PCBP3: variants seen among roughly 807,000 people sequenced by gnomAD.
The protein encoded by PCBP3 is poly(rC)-binding protein 3.
In PCBP3, 25 loss-of-function variants were observed where a neutral mutation model predicts 52.7. The observed-to-expected ratio is 0.47, with a 90% CI of 0.35 to 0.66. PCBP3 has a LOEUF of 0.66. Ranked by LOEUF, PCBP3 falls within the 30% of genes least tolerant of loss-of-function variation. The pLI, the probability that PCBP3 is intolerant of heterozygous loss-of-function variation, is 0.01. For synonymous variants in PCBP3, 162 were observed against 183.0 expected (o/e 0.89, Z 0.93); for missense variants, 391 against 490.3 (o/e 0.80, Z 1.91).
chr21:45,738,044 AGAC>A (rs1216334193), intron 3 of PCBP3, among the ~76,000 whole-genome samples: 1 of 152,144 alleles, frequency 6.6e-6, no homozygotes, highest in African/African-American at 2.4e-5. Flanking sequence ...TGGTCCGTGC[AGAC>A]CTCTCAGGTC....
At chr21:45,689,739 T>C (rs1167091382) in intron 2 of PCBP3, among the ~76,000 whole-genome samples, 2 of 152,030 alleles carry the variant, frequency 1.3e-5, no homozygotes, top group East Asian at 3.8e-4. Context: ...TAGCTAACAT[T>C]GGAAATGAAA....
At chr21:45,693,300 AATT>A (rs2082589344) in intron 2 of PCBP3, among the ~76,000 whole-genome samples, 2 of 152,282 alleles carry the variant, frequency 1.3e-5, no homozygotes, top group Admixed American at 6.5e-5. Flanking sequence ...TGAATCTCAA[AATT>A]ATTATGTTAA....
intron 9 of PCBP3, among the ~76,000 whole-genome samples, chr21:45,906,870 T>C (rs1216509232): frequency 6.6e-6 from 1 of 152,006 alleles, no homozygotes; most frequent in African/African-American, 2.4e-5. Flanking sequence ...GGCTGGAAAA[T>C]AGGGAGAGAA....
chr21:45,909,482 G>A lies in PCBP3; in HGVS notation c.467G>A (p.Arg156Lys). 1 of 1,612,632 alleles carries A rather than the reference G, an allele frequency of 6.2e-7. No individual in the cohort carries two copies. The change falls in exon 10 of 18, where the codon AGG becomes AAG. Residue 156 changes from arginine (R) to lysine (K), a missense_variant. Coordinates refer to ENST00000681687, the MANE Select transcript of PCBP3 (RefSeq NM_001384156.1). Reference protein sequence around the residue: ...GKGGSKIKEIRESTGAQVQVA... With the variant: ...GKGGSKIKEIKESTGAQVQVA... ...GGAGGCTCCAAGATCAAGGAGATCA[G>A]GGAGGTAACAGGACCTTCCCAGCCT...
chr21:45,678,122 A>C (rs1363484328), intron 2 of PCBP3, among the ~76,000 whole-genome samples: 1 of 152,082 alleles, frequency 6.6e-6, no homozygotes, highest in Non-Finnish European at 1.5e-5. Context: ...TGGGAGGATC[A>C]CAAGGTCAGG....
At chr21:45,689,686 G>C (rs1253463811) in intron 2 of PCBP3, among the ~76,000 whole-genome samples, 1 of 151,996 alleles carries the variant, frequency 6.6e-6, no homozygotes, top group Non-Finnish European at 1.5e-5. Context: ...TAGCTAAATT[G>C]AGGATACAAG....
At chr21:45,664,604 A>T (rs980308977) in intron 1 of PCBP3, among the ~76,000 whole-genome samples, 2 of 144,846 alleles carry the variant, frequency 1.4e-5, no homozygotes, top group African/African-American at 5.3e-5. Context: ...TATTTTTTTT[A>T]ATTTTTTTTT....
At chr21:45,709,556 T>A (rs1228886084) in intron 2 of PCBP3, among the ~76,000 whole-genome samples, 1 of 152,128 alleles carries the variant, frequency 6.6e-6, no homozygotes, top group African/African-American at 2.4e-5. Flanking sequence ...CGGGGACCTT[T>A]TTTTTTTCTT....
At chr21:45,863,364 G>A (rs1490654973) in intron 5 of PCBP3, among the ~76,000 whole-genome samples, 1 of 152,242 alleles carries the variant, frequency 6.6e-6, no homozygotes, top group African/African-American at 2.4e-5. Context: ...GCTGTGTTGG[G>A]ATTAATGCTG....
chr21:45,828,224 C>A (rs1407814930), intron 4 of PCBP3: 1 of 152,202 alleles, frequency 6.6e-6, no homozygotes, highest in African/African-American at 2.4e-5. Context: ...AATTCAGTCA[C>A]CATCATTTGC....
intron 4 of PCBP3, among the ~76,000 whole-genome samples, chr21:45,803,586 T>A (rs1356456174): frequency 6.6e-6 from 1 of 152,150 alleles, no homozygotes; most frequent in East Asian, 1.9e-4. Flanking sequence ...AGCTTTCCCA[T>A]GAAGTTTAAA....
chr21:45,804,189 G>A (rs970338388), intron 4 of PCBP3, among the ~76,000 whole-genome samples: 5 of 152,180 alleles, frequency 3.3e-5, no homozygotes, highest in African/African-American at 1.2e-4. Context: ...GCACCTACAC[G>A]TTGGTTCCCT....
chr21:45,844,841 C>T (rs960294720), intron 4 of PCBP3, among the ~76,000 whole-genome samples: 7 of 145,778 alleles, frequency 4.8e-5, no homozygotes, highest in Non-Finnish European at 7.6e-5. Flanking sequence ...ACTTCATATA[C>T]GTATATAAAG....
chr21:45,712,334 C>G (rs1330584758), intron 2 of PCBP3, among the ~76,000 whole-genome samples: 1 of 152,204 alleles, frequency 6.6e-6, no homozygotes, highest in African/African-American at 2.4e-5. Flanking sequence ...AACTCTTTTC[C>G]AAAGTGGCTG....
chr21:45,649,388 C>T (rs1348452861), intron 1 of PCBP3, among the ~76,000 whole-genome samples: 1 of 152,142 alleles, frequency 6.6e-6, no homozygotes, highest in African/African-American at 2.4e-5. Flanking sequence ...CATAATATAT[C>T]CTCCTCTTTA....
intron 2 of PCBP3, among the ~76,000 whole-genome samples, chr21:45,678,523 G>T (rs1253377635): frequency 6.6e-6 from 1 of 151,966 alleles, no homozygotes; most frequent in Non-Finnish European, 1.5e-5. Context: ...AACCCTCATG[G>T]ATGCCTTTAA....
intron 4 of PCBP3, among the ~76,000 whole-genome samples, chr21:45,772,471 A>G (rs1401523743): frequency 1.3e-5 from 2 of 152,154 alleles, no homozygotes; most frequent in African/African-American, 2.4e-5. Flanking sequence ...CCCTTTGATC[A>G]ATACTTAGGT....
chr21:45,852,262 C>T (rs1044874424), intron 5 of PCBP3, among the ~76,000 whole-genome samples: 4 of 152,202 alleles, frequency 2.6e-5, no homozygotes, highest in East Asian at 3.8e-4. Context: ...AAAAAGCTGA[C>T]GGCTTCGAAG....
intron 4 of PCBP3, among the ~76,000 whole-genome samples, chr21:45,768,193 G>C (rs541925369): frequency 6.6e-6 from 1 of 152,248 alleles, no homozygotes; most frequent in Non-Finnish European, 1.5e-5. Flanking sequence ...GTGTGTGGCC[G>C]TGTGGTGCCT....
Sources: allele counts gnomAD v4.1 joint callset (sites outside exome capture counted in the v4.1 genomes callset), GRCh38; gene constraint gnomAD v4.1.1; transcripts MANE v1.5; gene names NCBI Gene and HGNC (gene_info 2026-07-23, HGNC 2026-07-21).